The following PRUNE2 variants were observed in gnomAD, a reference collection of about 807,000 sequenced individuals.
PRUNE2 encodes the protein prune homolog 2 with BCH domain.
Under a neutral mutation model 252.0 loss-of-function variants are expected in PRUNE2, and 164 were observed. The observed-to-expected ratio is 0.65, with a 90% CI of 0.57 to 0.74. PRUNE2 has a LOEUF of 0.74. Ranked by LOEUF, PRUNE2 falls within the 30% of genes least tolerant of loss-of-function variation. PRUNE2 has a pLI of 0.00. For synonymous variants in PRUNE2, 1,292 were observed against 1,350.2 expected (o/e 0.96, Z 0.94); for missense variants, 3,495 against 3,711.0 (o/e 0.94, Z 1.51).
At chr9:76,883,022 C>T (rs145019590) in intron 1 of PRUNE2, among the ~76,000 whole-genome samples, 1,837 of 152,250 alleles carry the variant, frequency 0.012, 35 homozygotes, top group African/African-American at 0.041. Context: ...TTTCAGGCCT[C>T]AATTTTCTCA....
chr9:76,814,642 C>T (rs2057567079), intron 6 of PRUNE2, among the ~76,000 whole-genome samples: 1 of 152,114 alleles, frequency 6.6e-6, no homozygotes, highest in African/African-American at 2.4e-5. Context: ...GGGCCCATTG[C>T]ATCAAGATCC....
intron 6 of PRUNE2, among the ~76,000 whole-genome samples, chr9:76,771,151 TAG>T (rs944530297): frequency 1.3e-5 from 2 of 152,136 alleles, no homozygotes; most frequent in African/African-American, 2.4e-5. Flanking sequence ...TCATAGAAAC[TAG>T]ACATGATTTA....
chr9:76,816,601 T>C (rs1052925324), intron 6 of PRUNE2, among the ~76,000 whole-genome samples: 2 of 152,236 alleles, frequency 1.3e-5, no homozygotes, highest in East Asian at 3.8e-4. Flanking sequence ...TATTTGTCAT[T>C]TGCTTTAAGT....
chr9:76,872,322 C>G (rs1029379654), intron 1 of PRUNE2, among the ~76,000 whole-genome samples: 28 of 152,148 alleles, frequency 1.8e-4, no homozygotes, highest in African/African-American at 6.0e-4. Context: ...CAACGATGCA[C>G]AAAAGCCAGT....
intron 3 of PRUNE2, among the ~76,000 whole-genome samples, chr9:76,849,582 T>C (rs1489138553): frequency 6.6e-6 from 1 of 152,114 alleles, no homozygotes; most frequent in Non-Finnish European, 1.5e-5. Context: ...TCCCAGCACT[T>C]TGGGAGGCTG....
Position 76,703,838 on chromosome 9 carries a change from G to A in PRUNE2, c.7775C>T (p.Ala2592Val). The change falls in exon 9 of 19, where the codon GCA becomes GTA. Residue 2592 changes from alanine to valine, a missense_variant. Transcript: ENST00000376718. ...KETGLQGTQL[A>V]SFPDTCQPAS... ...TGGCTGACATGTGTCTGGGAAGCTT[G>A]CTAACTGAGTTCCCTGCAGCCCTGT... The A allele has an allele frequency of 2.5e-6, 4 of 1,613,990 alleles. No homozygotes were observed. The highest frequency in any genetic ancestry group is 1.1e-5 in the South Asian group (1 of 91,082).
chr9:76,656,646 T>C (rs1849348442), intron 9 of PRUNE2, among the ~76,000 whole-genome samples: 1 of 152,232 alleles, frequency 6.6e-6, no homozygotes, highest in Admixed American at 6.5e-5. Flanking sequence ...GTGTCTACTA[T>C]GTGCCGAGGA....
At chr9:76,689,223 A>G (rs1043269866) in intron 9 of PRUNE2, among the ~76,000 whole-genome samples, 2 of 152,212 alleles carry the variant, frequency 1.3e-5, no homozygotes, top group Non-Finnish European at 2.9e-5. Context: ...TTCTGACAGT[A>G]GAGTTGTTTC....
At chr9:76,885,232 T>C (rs1260280328) in intron 1 of PRUNE2, among the ~76,000 whole-genome samples, 1 of 152,254 alleles carries the variant, frequency 6.6e-6, no homozygotes, top group Non-Finnish European at 1.5e-5. Context: ...CGGCTTCATA[T>C]GAAGACATAA....
chr9:76,655,766 CAGAAAT>C (rs1848955208), intron 9 of PRUNE2, among the ~76,000 whole-genome samples: 1 of 152,142 alleles, frequency 6.6e-6, no homozygotes, highest in African/African-American at 2.4e-5. Flanking sequence ...GTGGGAAACT[CAGAAAT>C]AGGAAATGCA....
intron 9 of PRUNE2, among the ~76,000 whole-genome samples, chr9:76,679,354 A>G (rs1193811017): frequency 6.6e-6 from 1 of 152,234 alleles, no homozygotes; most frequent in Non-Finnish European, 1.5e-5. Context: ...AGGAAAATCT[A>G]TTCTAAAATT....
At chr9:76,776,190 G>T (rs566549148) in intron 6 of PRUNE2, among the ~76,000 whole-genome samples, 4 of 152,264 alleles carry the variant, frequency 2.6e-5, no homozygotes, top group Non-Finnish European at 5.9e-5. Flanking sequence ...TTGTTACATG[G>T]ATATTGAGTA....
rs758110994 is a variant in PRUNE2 at position 76,709,844 on chromosome 9, T to G, written c.2430A>C (p.Glu810Asp). 5.0e-6 allele frequency: 8 copies of G among 1,613,912 alleles called. No homozygotes were observed. Among genetic ancestry groups the G allele is most frequent in the Non-Finnish European group, 6.8e-6 (8 of 1,179,854 alleles). The stretch of plus-strand genomic sequence containing the variant: ...GCAAATTCCAGGTATTTTTTAAAGC[T>G]TCATCATGATCTTCTTTACCAAATG... Reference protein sequence around the residue: ...WSAFGKEDHDEALKNTWNLHP... With the variant: ...WSAFGKEDHDDALKNTWNLHP... Residue 810 changes from glutamate (E) to aspartate (D), a missense_variant, in exon 8 of 19, where the codon GAA becomes GAC. Transcript: ENST00000376718.
chr9:76,848,460 T>G (rs73653223), intron 3 of PRUNE2, among the ~76,000 whole-genome samples: 2,831 of 152,326 alleles, frequency 0.019, 96 homozygotes, highest in African/African-American at 0.064. Flanking sequence ...GGCAGGTTAT[T>G]TTCAAAACTC....
intron 6 of PRUNE2, among the ~76,000 whole-genome samples, chr9:76,810,887 C>T (rs987602062): frequency 1.3e-5 from 2 of 152,154 alleles, no homozygotes; most frequent in Non-Finnish European, 2.9e-5. Flanking sequence ...GAACAATTTT[C>T]CTCTAGTTTC....
intron 1 of PRUNE2, among the ~76,000 whole-genome samples, chr9:76,878,498 C>T (rs139327339): frequency 2.8e-4 from 43 of 152,300 alleles, no homozygotes; most frequent in African/African-American, 9.9e-4. Flanking sequence ...TAGAGAGAAG[C>T]TCTGTTGACT....
intron 1 of PRUNE2, among the ~76,000 whole-genome samples, chr9:76,892,281 T>C (rs902687311): frequency 9.2e-5 from 14 of 152,216 alleles, no homozygotes; most frequent in Admixed American, 9.2e-4. Context: ...CTCAAATCTA[T>C]GTCTGACTCT....
intron 4 of PRUNE2, among the ~76,000 whole-genome samples, chr9:76,835,392 G>A (rs1014143640): frequency 5.3e-5 from 8 of 151,590 alleles, no homozygotes; most frequent in Non-Finnish European, 1.2e-4. Flanking sequence ...AATGGAAGGA[G>A]GAAAAAGAAA....
chr9:76,747,501 CAG>C, intron 6 of PRUNE2, among the ~76,000 whole-genome samples: 1 of 152,074 alleles, frequency 6.6e-6, no homozygotes. Context: ...GACTGAGCCT[CAG>C]AGGGGACAAT....
Sources: allele counts gnomAD v4.1 joint callset (sites outside exome capture counted in the v4.1 genomes callset), GRCh38; gene constraint gnomAD v4.1.1; transcripts MANE v1.5; gene names NCBI Gene and HGNC (gene_info 2026-07-23, HGNC 2026-07-21).